Variants in ZNF394 observed in about 807,000 individuals in gnomAD.
ZNF394 encodes the protein zinc finger protein 99.
Under a neutral mutation model 21.8 loss-of-function variants are expected in ZNF394, and 19 were observed. The observed-to-expected ratio is 0.87, with a 90% CI of 0.61 to 1.28. The LOEUF (loss-of-function observed/expected upper bound fraction) is 1.28. ZNF394 is among the 50% of genes most tolerant of loss of function. The pLI is 0.00. For missense variants in ZNF394, 683 were observed against 708.6 expected, an observed-to-expected ratio of 0.96 and a Z score of 0.41; for synonymous variants, 294 against 273.3, an observed-to-expected ratio of 1.08 and a Z score of -0.75.
rs1475160168 is a variant in ZNF394, at chr7:99,493,982, C to G, written c.1233G>C (p.Glu411Asp). The change falls in exon 3 of 3, where the codon GAG becomes GAC. Residue 411 changes from glutamate to aspartate, a missense_variant. Glu to Asp is a conservative substitution (Grantham distance 45). This residue lies in a region of ZNF394 where 274 missense variants were observed against 314.1 expected (regional missense o/e 0.87). Transcript: ENST00000337673. ...LTKHQRTHTG[E>D]KPYTCLKCGE... ...CACATTTCAGACAGGTGTACGGCTT[C>G]TCGCCTGTGTGTGTCCTCTGGTGCT... 1 of 1,614,196 alleles carries G rather than the reference C, an allele frequency of 6.2e-7. No individual in the cohort carries two copies. Among genetic ancestry groups the G allele is most frequent in the East Asian group, 2.2e-5 (1 of 44,886 alleles).
Position 99,500,013 on chromosome 7 carries a change from G to A in ZNF394, c.81C>T (p.Asp27=), listed in dbSNP as rs773797023. 4.5e-5 allele frequency: 72 copies of A among 1,608,360 alleles called. No homozygotes were observed. In the Admixed American group the frequency reaches 5.5e-4, roughly 12 times the overall value. The change falls in exon 1 of 3, where the codon GAC becomes GAT. Residue 27 remains aspartate (D), a synonymous_variant. Coordinates refer to ENST00000337673, the MANE Select transcript of ZNF394 (RefSeq NM_032164.4). ...GPWVMAARSK[D]AAPSQRDGLL... ...GTCCGTCGCGTTGGGACGGCGCCGC[G>A]TCCTTGGACCTCGCAGCCATCACCC...
At position 99,493,739 on chromosome 7, in the gene ZNF394, A is replaced by G; in HGVS notation, c.1476T>C (p.Thr492=). 13 of 1,614,168 alleles carry G rather than the reference A, an allele frequency of 8.1e-6. No homozygotes were observed. The highest frequency in any genetic ancestry group is 1.1e-5 in the Non-Finnish European group (13 of 1,180,024). Residue 492 remains threonine, a synonymous_variant, in exon 3 of 3, where the codon ACT becomes ACC. Transcript: ENST00000337673. ...CGGAACATCCATAGGGCTTCTCCCC[A>G]GTGTGGATTCTGTGGTGTTTAAAGA... ...SDLFKHHRIH[T]GEKPYGCSVC...
chr7:99,499,871 C>A lies in ZNF394; in HGVS notation c.223G>T (p.Val75Leu). 1 of 1,614,214 alleles carries A rather than the reference C, an allele frequency of 6.2e-7. No individual in the cohort carries two copies. The highest frequency in any genetic ancestry group is 2.2e-5 in the East Asian group (1 of 44,876). ...CTCAGCGCCTCTTCCGGTCCAGCCA[C>A]CTCCTGGTAACGCAGCTGCCTAAAG... Reference protein sequence around the residue: ...LHFRQLRYQEVAGPEEALSRL... With the variant: ...LHFRQLRYQELAGPEEALSRL... The change falls in exon 1 of 3, where the codon GTG becomes TTG. Residue 75 changes from valine (V) to leucine (L), a missense_variant. Transcript: ENST00000337673.
At chr7:99,497,115 T>TG (rs1168946363) in intron 2 of ZNF394, among the ~76,000 whole-genome samples, 1 of 122,348 alleles carries the variant, frequency 8.2e-6, no homozygotes, top group Non-Finnish European at 1.6e-5. Context: ...TGTGTGTGTG[T>TG]GTGTGTGTAT....
chr7:99,499,616 G>A (rs1562895816), intron 1 of ZNF394, 22 bp downstream of exon 1: 1 of 1,554,374 alleles, frequency 6.4e-7, no homozygotes, highest in Non-Finnish European at 8.6e-7. Context: ...CCCACCTCCA[G>A]AACAGGCCTT....
chr7:99,494,345 G>A lies in ZNF394; in HGVS notation c.870C>T (p.Ala290=), dbSNP rs2151081192. 6.2e-7 allele frequency: 1 copy of A among 1,614,182 alleles called. No individual in the cohort carries two copies. The highest frequency in any genetic ancestry group is 2.2e-5 in the East Asian group (1 of 44,890). The change falls in exon 3 of 3, where the codon GCC becomes GCT. Residue 290 remains alanine (A), a synonymous_variant. Transcript: ENST00000337673. ...DSKNNELQNS[A]RCSNLVLCQH... is the part of the protein sequence containing the mutation. ...GACATAGAACAAGGTTGGAACACCTGGCACTGTTCTGCAATTCATTATTTT... is the reference window on the plus strand; with the variant it reads ...GACATAGAACAAGGTTGGAACACCTAGCACTGTTCTGCAATTCATTATTTT...
intron 1 of ZNF394, among the ~76,000 whole-genome samples, 190 bp from the exon 2 acceptor site, chr7:99,499,032 C>A (rs1046277680): frequency 7.2e-5 from 11 of 152,162 alleles, no homozygotes; most frequent in Non-Finnish European, 1.0e-4. Flanking sequence ...CAAAATATTT[C>A]TTTAACTTAT....
At chr7:99,499,133 T>TGGGA (rs771408050) in intron 1 of ZNF394, among the ~76,000 whole-genome samples, 1 of 151,854 alleles carries the variant, frequency 6.6e-6, no homozygotes, top group South Asian at 2.1e-4. Context: ...CCCAGCATTT[T>TGGGA]GGGAGGCCGA....
At chr7:99,487,039 A>G (rs1293595467) in intron 1 of ZNF394, 3 of 1,614,098 alleles carry the variant, frequency 1.9e-6, no homozygotes, top group Non-Finnish European at 2.5e-6. Flanking sequence ...TGAACATAAG[A>G]GGATTCACAC....
At chr7:99,489,831 ATGTC>A (rs148362501), downstream of ZNF394, among the ~76,000 whole-genome samples, 944 of 152,082 alleles carry the variant, frequency 6.2e-3, 13 homozygotes, top group African/African-American at 0.022. Flanking sequence ...ACATCATCCT[ATGTC>A]TGTATTAAAA....
chr7:99,498,956 A>G, intron 1 of ZNF394, 114 bp from the exon 2 acceptor site: 1 of 1,386,380 alleles, frequency 7.2e-7, no homozygotes, highest in Non-Finnish European at 9.6e-7. Flanking sequence ...AGAGGCTGAC[A>G]TTCTCTTGTA....
Position 99,499,979 on chromosome 7 carries a change from C to A in ZNF394, c.115G>T (p.Val39Leu). 6.2e-7 allele frequency: 1 copy of A among 1,613,240 alleles called. No individual in the cohort carries two copies. The highest frequency in any genetic ancestry group is 8.5e-7 in the Non-Finnish European group (1 of 1,180,006). ...APSQRDGLLP[V>L]KVEEDSPGSW... is the part of the protein sequence containing the mutation. ...CCGGGTGAGTCTTCCTCCACTTTCA[C>A]GGGCAAAAGTCCGTCGCGTTGGGAC... The change falls in exon 1 of 3, where the codon GTG becomes TTG. Residue 39 changes from valine to leucine, a missense_variant. Physicochemically the swap from Val to Leu is conservative, Grantham distance 32. Around this residue, in one of 3 missense-constraint regions of ZNF394, gnomAD observed 402 missense variants for 373.8 expected, o/e 1.08. Transcript: ENST00000337673.
downstream of ZNF394, among the ~76,000 whole-genome samples, chr7:99,490,397 T>C (rs916788531): frequency 6.6e-6 from 1 of 152,096 alleles, no homozygotes; most frequent in Non-Finnish European, 1.5e-5. Context: ...GACCTCGTGA[T>C]CTGCCAGCCT....
intron 2 of ZNF394, among the ~76,000 whole-genome samples, chr7:99,495,348 A>C (rs1027727392): frequency 6.7e-6 from 1 of 150,348 alleles, no homozygotes; most frequent in South Asian, 2.1e-4. Flanking sequence ...TTTGAGATGG[A>C]GTCTTGCTCT....
chr7:99,499,332 C>A (rs1296051270), intron 1 of ZNF394, among the ~76,000 whole-genome samples: 1 of 150,886 alleles, frequency 6.6e-6, no homozygotes, highest in African/African-American at 2.4e-5. Flanking sequence ...GCCGAGATCG[C>A]GCCATTGCAC....
chr7:99,494,332 G>C lies in ZNF394; in HGVS notation c.883C>G (p.Leu295Val). Residue 295 changes from leucine (L) to valine (V), a missense_variant, in exon 3 of 3, where the codon CTT becomes GTT. Physicochemically the swap from Leu to Val is conservative, Grantham distance 32. Around this residue, in one of 3 missense-constraint regions of ZNF394, gnomAD observed 402 missense variants for 373.8 expected, o/e 1.08. Coordinates refer to ENST00000337673, the MANE Select transcript of ZNF394 (RefSeq NM_032164.4). ...TTCGGGATGTGCTGACATAGAACAA[G>C]GTTGGAACACCTGGCACTGTTCTGC... The part of the protein sequence containing the change: ...ELQNSARCSN[L>V]VLCQHIPKAE... 6.2e-7 allele frequency: 1 copy of C among 1,614,208 alleles called. No homozygotes were observed. Among genetic ancestry groups the C allele is most frequent in the Non-Finnish European group, 8.5e-7 (1 of 1,180,046 alleles).
At chr7:99,492,427 C>T (rs150192227), downstream of ZNF394, among the ~76,000 whole-genome samples, 1,441 of 151,636 alleles carry the variant, frequency 9.5e-3, 23 homozygotes, top group Non-Finnish European at 0.014. Flanking sequence ...ACTGCCTGAG[C>T]TTAGGAGTTC....
chr7:99,489,447 C>A (rs1438339333), downstream of ZNF394, among the ~76,000 whole-genome samples: 1 of 152,096 alleles, frequency 6.6e-6, no homozygotes, highest in Non-Finnish European at 1.5e-5. Flanking sequence ...CAGCTGTCAA[C>A]CAATCATCGA....
At chr7:99,494,662 T>C (rs1197286561) in intron 2 of ZNF394, 31 bp from the exon 3 acceptor site, 1 of 1,539,354 alleles carries the variant, frequency 6.5e-7, no homozygotes, top group Non-Finnish European at 8.7e-7. Context: ...TTCCTGCCAG[T>C]GCATCCCTGT....
Sources: allele counts gnomAD v4.1 joint callset (sites outside exome capture counted in the v4.1 genomes callset), GRCh38; gene constraint gnomAD v4.1.1; regional missense constraint gnomAD v4.1.1; transcripts MANE v1.5; gene names NCBI Gene and HGNC (gene_info 2026-07-23, HGNC 2026-07-21).